IQCM: variants seen among roughly 807,000 people sequenced by gnomAD.
IQCM encodes IQ domain-containing protein M.
IQCM carries 45 observed loss-of-function variants against 57.6 expected under a neutral mutation model. The ratio of observed to expected loss-of-function variants is 0.78; its 90% CI spans 0.62 to 1.00. IQCM has a LOEUF of 1.00. Ranked by LOEUF, IQCM falls within the 50% of genes least tolerant of loss-of-function variation. The pLI is 0.00. For missense variants in IQCM, 468 were observed against 511.6 expected (o/e 0.91, Z 0.82); for synonymous variants, 148 against 158.9 (o/e 0.93, Z 0.51).
intron 7 of IQCM, among the ~76,000 whole-genome samples, chr4:149,651,203 G>A (rs1759144530): frequency 6.6e-6 from 1 of 152,096 alleles, no homozygotes; most frequent in Admixed American, 6.6e-5. Flanking sequence ...CACATCCTGA[G>A]GAGCAAATCC....
At chr4:149,537,839 A>T (rs1272965029) in intron 12 of IQCM, among the ~76,000 whole-genome samples, 12 of 151,870 alleles carry the variant, frequency 7.9e-5, no homozygotes, top group Admixed American at 3.9e-4. Flanking sequence ...AAAATAAAAA[A>T]TTGGCAACCA....
At chr4:149,767,918 A>G (rs890922915) in intron 2 of IQCM, among the ~76,000 whole-genome samples, 3 of 152,140 alleles carry the variant, frequency 2.0e-5, no homozygotes, top group African/African-American at 7.2e-5. Context: ...TTTTATAAAT[A>G]TAAATACACT....
intron 10 of IQCM, among the ~76,000 whole-genome samples, chr4:149,562,325 C>A (rs1215818246): frequency 6.6e-6 from 1 of 152,042 alleles, no homozygotes; most frequent in African/African-American, 2.4e-5. Context: ...TGACAAGAAG[C>A]ACAAAGAAGA....
chr4:149,548,649 T>A, intron 11 of IQCM, 60 bp from the exon 12 acceptor site: 1 of 837,646 alleles, frequency 1.2e-6, no homozygotes, highest in East Asian at 3.4e-5. Flanking sequence ...AGTAAAAACT[T>A]TAACTCTAGC....
intron 3 of IQCM, among the ~76,000 whole-genome samples, chr4:149,737,983 AT>A (rs1767098866): frequency 1.3e-5 from 2 of 152,290 alleles, no homozygotes; most frequent in South Asian, 4.1e-4. Flanking sequence ...AAGCAATATA[AT>A]TTATTAATAT....
At chr4:149,649,804 C>T (rs1450289694) in intron 7 of IQCM, among the ~76,000 whole-genome samples, 1 of 152,144 alleles carries the variant, frequency 6.6e-6, no homozygotes, top group Non-Finnish European at 1.5e-5. Context: ...GTATTTAAAT[C>T]TCTTGATATA....
chr4:149,687,154 A>G (rs187982883), intron 5 of IQCM, among the ~76,000 whole-genome samples: 1 of 151,734 alleles, frequency 6.6e-6, no homozygotes, highest in African/African-American at 2.4e-5. Context: ...AAGATACAGA[A>G]CACATGAGAC....
At chr4:149,411,368 A>C (rs1286015852) in intron 13 of IQCM, among the ~76,000 whole-genome samples, 2 of 152,158 alleles carry the variant, frequency 1.3e-5, no homozygotes, top group East Asian at 3.8e-4. Context: ...TTATGAAAGA[A>C]GGTGAAAAAT....
intron 7 of IQCM, among the ~76,000 whole-genome samples, chr4:149,671,453 G>A (rs1761275467): frequency 6.6e-6 from 1 of 152,054 alleles, no homozygotes; most frequent in Admixed American, 6.6e-5. Flanking sequence ...ATATTTTGAA[G>A]GGTTTTTTTG....
Position 149,682,113 on chromosome 4 carries a change from C to T in IQCM, c.565+5G>A, listed in dbSNP as rs746188793. Reference sequence around the variant, plus strand: ...CTGCTACCAACATTTATGTATAAGACTCACCAGGTTCTTTCAGAAGTTCCA... The same window carrying T: ...CTGCTACCAACATTTATGTATAAGATTCACCAGGTTCTTTCAGAAGTTCCA... On this transcript the variant is annotated splice_donor_5th_base_variant and intron_variant, in intron 7 of 13. Coordinates refer to ENST00000636793, the MANE Select transcript of IQCM (RefSeq NM_001363507.2). The T allele has an allele frequency of 9.0e-5, 105 of 1,160,826 alleles. No individual in the cohort carries two copies. Among genetic ancestry groups the T allele is most frequent in the Non-Finnish European group, 1.0e-4 (94 of 923,942 alleles). The allele number at this position is 1,160,826 out of a possible 1,614,324, so 71.9% of individuals were successfully genotyped here. A position where few individuals can be genotyped will look rare whatever the true frequency, so the allele number is the denominator to read the frequency against.
At position 149,812,509 on chromosome 4, in the gene IQCM, C is replaced by CAGAG. The variant is rs1321616265; in HGVS notation, c.-49+2801_-49+2802insCTCT. Among the ~76,000 whole-genome samples, 4 of 146,220 alleles carry CAGAG rather than the reference C, an allele frequency of 2.7e-5. No homozygotes were observed. The East Asian group carries it at 8.5e-4, about 31-fold the overall frequency. On this transcript the variant is annotated intron_variant, in intron 2 of 13. Coordinates refer to ENST00000636793, the MANE Select transcript of IQCM (RefSeq NM_001363507.2). ...ACACACACACACACACACAGACACACACACACACACACACACACACTATCC... is the reference window on the plus strand; with the variant it reads ...ACACACACACACACACACAGACACACAGAGACACACACACACACACACACTATCC...
At chr4:149,740,081 A>G (rs1013469691) in intron 3 of IQCM, among the ~76,000 whole-genome samples, 1 of 152,218 alleles carries the variant, frequency 6.6e-6, no homozygotes, top group Admixed American at 6.5e-5. Flanking sequence ...TTTGCTTTTC[A>G]TAACGATAAT....
intron 12 of IQCM, among the ~76,000 whole-genome samples, chr4:149,465,496 A>G (rs1335132783): frequency 6.6e-6 from 1 of 152,168 alleles, no homozygotes; most frequent in Non-Finnish European, 1.5e-5. Context: ...CTATCTCCCC[A>G]AAGAGCTTGC....
At chr4:149,467,593 C>A (rs1239850326) in intron 12 of IQCM, among the ~76,000 whole-genome samples, 2 of 152,264 alleles carry the variant, frequency 1.3e-5, no homozygotes, top group African/African-American at 2.4e-5. Flanking sequence ...AAGGTAAGGG[C>A]AAGATTTAGG....
chr4:149,358,385 C>T (rs564417978), intron 13 of IQCM, among the ~76,000 whole-genome samples: 6 of 151,972 alleles, frequency 3.9e-5, no homozygotes, highest in African/African-American at 9.7e-5. Context: ...GGGCATTTAG[C>T]GCTATAAATT....
At chr4:149,796,264 G>A (rs963306447) in intron 2 of IQCM, among the ~76,000 whole-genome samples, 6 of 152,194 alleles carry the variant, frequency 3.9e-5, no homozygotes, top group African/African-American at 1.4e-4. Flanking sequence ...AACATAAGCA[G>A]TAGTCTGGCA....
At chr4:149,381,745 GTAT>G (rs1731093094) in intron 13 of IQCM, among the ~76,000 whole-genome samples, 1 of 151,706 alleles carries the variant, frequency 6.6e-6, no homozygotes, top group East Asian at 1.9e-4. Context: ...ATGTATGTAT[GTAT>G]GTATGTATGT....
intron 9 of IQCM, among the ~76,000 whole-genome samples, chr4:149,577,745 GT>G (rs1404185784): frequency 6.6e-6 from 1 of 151,860 alleles, no homozygotes; most frequent in African/African-American, 2.4e-5. Context: ...TTTTAAAAGA[GT>G]TTTTTCTAAT....
intron 12 of IQCM, among the ~76,000 whole-genome samples, chr4:149,518,583 C>T (rs1203329937): frequency 2.0e-5 from 3 of 151,976 alleles, no homozygotes; most frequent in Admixed American, 1.3e-4. Context: ...ATATAAAGTA[C>T]TAGCCAGGAA....
Sources: allele counts gnomAD v4.1 joint callset (sites outside exome capture counted in the v4.1 genomes callset), GRCh38; gene constraint gnomAD v4.1.1; transcripts MANE v1.5; gene names NCBI Gene and HGNC (gene_info 2026-07-23, HGNC 2026-07-21).